SPAG16: variants seen among roughly 807,000 people sequenced by gnomAD.
SPAG16 encodes the protein sperm associated antigen 16.
A neutral mutation model predicts 80.4 loss-of-function variants in SPAG16; 86 were observed. That is an observed-to-expected ratio of 1.07 (90% CI 0.90 to 1.28). The LOEUF (loss-of-function observed/expected upper bound fraction) is 1.28, where lower values mean the gene tolerates loss of function less well. Among genes scored for constraint, SPAG16 ranks in the 50% most tolerant of loss-of-function variants. SPAG16 has a pLI of 0.00. For synonymous variants in SPAG16, 294 were observed against 265.9 expected (o/e 1.11, Z -1.03); for missense variants, 870 against 765.3 (o/e 1.14, Z -1.61).
At chr2:213,606,461 A>G (rs1335910327) in intron 10 of SPAG16, among the ~76,000 whole-genome samples, 1 of 152,206 alleles carries the variant, frequency 6.6e-6, no homozygotes, top group Non-Finnish European at 1.5e-5. Context: ...TTATATTGAT[A>G]TCTCATTGTG....
At chr2:214,015,374 G>A (rs2047535549) in intron 13 of SPAG16, among the ~76,000 whole-genome samples, 1 of 152,148 alleles carries the variant, frequency 6.6e-6, no homozygotes, top group Non-Finnish European at 1.5e-5. Flanking sequence ...TAAGGCAGGT[G>A]GATCACTGGA....
intron 15 of SPAG16, among the ~76,000 whole-genome samples, chr2:214,197,018 T>C (rs748074048): frequency 6.6e-6 from 1 of 151,982 alleles, no homozygotes; most frequent in Non-Finnish European, 1.5e-5. Flanking sequence ...TTAATAATAG[T>C]TAAAGGCTTA....
chr2:213,649,403 G>A (rs150764604), intron 10 of SPAG16, among the ~76,000 whole-genome samples: 52 of 152,274 alleles, frequency 3.4e-4, no homozygotes, highest in South Asian at 1.2e-3. Flanking sequence ...TCACGCTGTC[G>A]CAATGTTTGC....
At chr2:214,394,318 G>A (rs911236244) in intron 15 of SPAG16, among the ~76,000 whole-genome samples, 1 of 149,524 alleles carries the variant, frequency 6.7e-6, no homozygotes, top group African/African-American at 2.5e-5. Context: ...CTTTTTTTTT[G>A]AGGAAATAGC....
At chr2:214,015,760 G>C (rs1313317808) in intron 13 of SPAG16, among the ~76,000 whole-genome samples, 1 of 152,130 alleles carries the variant, frequency 6.6e-6, no homozygotes, top group East Asian at 1.9e-4. Flanking sequence ...CTGGGGTCCT[G>C]TTGGCTAAGA....
intron 12 of SPAG16, among the ~76,000 whole-genome samples, chr2:213,986,400 G>T (rs1440365782): frequency 6.6e-6 from 1 of 151,362 alleles, no homozygotes; most frequent in Non-Finnish European, 1.5e-5. Context: ...TTATATATTT[G>T]TCAATATAAA....
intron 12 of SPAG16, among the ~76,000 whole-genome samples, chr2:213,950,053 A>G (rs529918074): frequency 6.4e-4 from 97 of 152,224 alleles, no homozygotes; most frequent in Non-Finnish European, 1.1e-3. Flanking sequence ...GAACTGACAC[A>G]TATTTCTTAT....
chr2:214,264,488 C>T (rs770234130), intron 15 of SPAG16, among the ~76,000 whole-genome samples: 7 of 152,068 alleles, frequency 4.6e-5, no homozygotes, highest in Non-Finnish European at 1.0e-4. Flanking sequence ...TTTAGGTTTA[C>T]AGAAAAATTG....
intron 9 of SPAG16, among the ~76,000 whole-genome samples, chr2:213,437,431 TG>T (rs2070709195): frequency 6.6e-6 from 1 of 152,236 alleles, no homozygotes; most frequent in Admixed American, 6.5e-5. Context: ...GCTTAGCACA[TG>T]GTAAACCTTT....
intron 11 of SPAG16, among the ~76,000 whole-genome samples, chr2:213,899,701 A>C (rs2077140017): frequency 6.6e-6 from 1 of 152,100 alleles, no homozygotes; most frequent in Non-Finnish European, 1.5e-5. Flanking sequence ...AGAACCATAG[A>C]GCTATCCTGC....
At chr2:214,352,818 A>G (rs1912191) in intron 15 of SPAG16, among the ~76,000 whole-genome samples, 103,893 of 151,544 alleles carry the variant, frequency 0.69, 40,270 homozygotes, top group South Asian at 0.87. Flanking sequence ...GCTGCCTGTG[A>G]GCTAATCATT....
intron 10 of SPAG16, among the ~76,000 whole-genome samples, chr2:213,627,206 T>A (rs1350867192): frequency 6.6e-6 from 1 of 152,058 alleles, no homozygotes; most frequent in Admixed American, 6.6e-5. Flanking sequence ...TATTGAAGAG[T>A]CTGCAAGTGC....
intron 12 of SPAG16, among the ~76,000 whole-genome samples, chr2:213,993,990 A>G (rs1195504074): frequency 2.0e-5 from 3 of 152,314 alleles, no homozygotes; most frequent in Non-Finnish European, 2.9e-5. Flanking sequence ...CACATGGTAG[A>G]TGAGGGATAC....
intron 5 of SPAG16, among the ~76,000 whole-genome samples, chr2:213,323,904 A>G (rs929312813): frequency 6.6e-6 from 1 of 152,200 alleles, no homozygotes; most frequent in Non-Finnish European, 1.5e-5. Flanking sequence ...ATGATTCCCC[A>G]TATATGAGGT....
At chr2:214,211,072 C>A (rs1170743093) in intron 15 of SPAG16, among the ~76,000 whole-genome samples, 2 of 152,010 alleles carry the variant, frequency 1.3e-5, no homozygotes, top group Non-Finnish European at 2.9e-5. Context: ...TTGCTACTCA[C>A]TTGTTTTATT....
intron 15 of SPAG16, among the ~76,000 whole-genome samples, chr2:214,250,570 A>G (rs993646419): frequency 1.5e-4 from 22 of 149,088 alleles, no homozygotes; most frequent in South Asian, 1.5e-3. Flanking sequence ...CTTTTGTAAA[A>G]TAAAAAATAC....
At chr2:214,030,811 G>A (rs764494498) in intron 13 of SPAG16, among the ~76,000 whole-genome samples, 3 of 152,134 alleles carry the variant, frequency 2.0e-5, no homozygotes, top group Non-Finnish European at 2.9e-5. Flanking sequence ...CCCACCTCAA[G>A]GGTTTTCATC....
At chr2:213,830,397 T>C (rs1442507383) in intron 10 of SPAG16, among the ~76,000 whole-genome samples, 2 of 152,202 alleles carry the variant, frequency 1.3e-5, no homozygotes, top group African/African-American at 4.8e-5. Context: ...CAAGACTGTC[T>C]ACCCTCTTCA....
At chr2:213,742,132 T>C (rs991323999) in intron 10 of SPAG16, among the ~76,000 whole-genome samples, 1 of 8,322 alleles carries the variant, frequency 1.2e-4, no homozygotes, top group African/African-American at 5.1e-4. Context: ...GTTCTGTGTT[T>C]AGTATTTTTT....
Sources: gnomAD v4.1 joint callset for allele counts (sites outside exome capture counted in the v4.1 genomes callset) on GRCh38, gnomAD v4.1.1 for gene constraint, MANE v1.5 for transcripts, NCBI Gene and HGNC (gene_info 2026-07-23, HGNC 2026-07-21) for gene names.